The following NWD2 variants were observed in gnomAD, a reference collection of about 807,000 sequenced individuals.
NWD2 encodes NACHT and WD repeat domain-containing protein 2.
NWD2 carries 37 observed loss-of-function variants against 132.7 expected under a neutral mutation model. The observed-to-expected ratio is 0.28, with a 90% CI of 0.21 to 0.37. The LOEUF (loss-of-function observed/expected upper bound fraction) is 0.37. Among genes scored for constraint, NWD2 ranks in the 10% least tolerant of loss-of-function variants. NWD2 has a pLI of 1.00. For missense variants in NWD2, 1,592 were observed against 2,122.4 expected (o/e 0.75, Z 4.91); for synonymous variants, 705 against 803.0 (o/e 0.88, Z 2.06).
chr4:37,389,784 C>CT (rs1290264233), intron 3 of NWD2, among the ~76,000 whole-genome samples: 16 of 110,906 alleles, frequency 1.4e-4, no homozygotes, highest in African/African-American at 4.5e-4. Context: ...AAATCATACG[C>CT]ATTTTTTTTT....
intron 2 of NWD2, among the ~76,000 whole-genome samples, chr4:37,343,036 T>C (rs1190152590): frequency 6.6e-6 from 1 of 152,180 alleles, no homozygotes; most frequent in East Asian, 1.9e-4. Context: ...AATGTAGCCA[T>C]TGAAGATGAG....
At chr4:37,391,552 A>G (rs1053637367) in intron 3 of NWD2, among the ~76,000 whole-genome samples, 3 of 152,232 alleles carry the variant, frequency 2.0e-5, no homozygotes, top group Non-Finnish European at 4.4e-5. Context: ...ACCTTTTGTC[A>G]TGGAAAATGA....
At chr4:37,407,497 G>A (rs1204786665) in intron 3 of NWD2, among the ~76,000 whole-genome samples, 2 of 152,102 alleles carry the variant, frequency 1.3e-5, no homozygotes, top group South Asian at 2.1e-4. Context: ...CTGATCCAGG[G>A]GCCACACTTT....
chr4:37,270,229 C>A (rs1436757941), intron 1 of NWD2, among the ~76,000 whole-genome samples: 1 of 151,590 alleles, frequency 6.6e-6, no homozygotes, highest in African/African-American at 2.4e-5. Context: ...ATGCTCATAT[C>A]AGGAATAGTT....
chr4:37,290,529 C>T (rs1718337965), intron 1 of NWD2, among the ~76,000 whole-genome samples: 1 of 152,100 alleles, frequency 6.6e-6, no homozygotes, highest in Non-Finnish European at 1.5e-5. Flanking sequence ...AAGTTATAGG[C>T]AGTCAGGAAA....
intron 3 of NWD2, among the ~76,000 whole-genome samples, chr4:37,424,680 G>A (rs1005417526): frequency 2.0e-5 from 3 of 152,102 alleles, no homozygotes; most frequent in Non-Finnish European, 2.9e-5. Context: ...TCTCCCATGA[G>A]CAATGGCTCA....
intron 1 of NWD2, among the ~76,000 whole-genome samples, chr4:37,299,677 T>C (rs1255187636): frequency 2.0e-5 from 3 of 152,116 alleles, no homozygotes; most frequent in African/African-American, 7.2e-5. Context: ...AGTGAAGGAC[T>C]TGCTGATTGG....
intron 1 of NWD2, among the ~76,000 whole-genome samples, chr4:37,317,852 T>G (rs1718989000): frequency 6.6e-6 from 1 of 152,204 alleles, no homozygotes; most frequent in African/African-American, 2.4e-5. Context: ...AACTATTACT[T>G]GAAAGTGACA....
rs775854592 is a variant in NWD2, at chr4:37,444,544, C to T, written c.2556C>T (p.Tyr852=). The change falls in exon 7 of 7, where the codon TAC becomes TAT. Residue 852 remains tyrosine (Y), a synonymous_variant. Transcript: ENST00000309447. This position sits in a 1 kb window ranked among gnomAD's most constrained non-coding sequence, Gnocchi z 4.8. Reference sequence around the variant, plus strand: ...GTGGAAAAACCGATGACCTGCTTTACGGCATCATCATGAACTTCAGCTGGC... The same window carrying T: ...GTGGAAAAACCGATGACCTGCTTTATGGCATCATCATGAACTTCAGCTGGC... ...TRCGKTDDLL[Y]GIIMNFSWLY... is the part of the protein sequence containing the mutation. The T allele has an allele frequency of 8.8e-5, 136 of 1,551,654 alleles. No homozygotes were observed. The highest frequency in any genetic ancestry group is 1.1e-4 in the Non-Finnish European group (128 of 1,147,036).
chr4:37,357,825 A>G (rs955258153), intron 3 of NWD2, among the ~76,000 whole-genome samples: 1 of 152,148 alleles, frequency 6.6e-6, no homozygotes, highest in African/African-American at 2.4e-5. Context: ...GCTACTTAAG[A>G]TAAAACAGTC....
chr4:37,336,269 A>C (rs556294998), intron 2 of NWD2, among the ~76,000 whole-genome samples: 1 of 152,320 alleles, frequency 6.6e-6, no homozygotes, highest in African/African-American at 2.4e-5. Flanking sequence ...TTAAGATAAT[A>C]TCTAAAACAT....
At chr4:37,424,927 A>C (rs1711949382) in intron 3 of NWD2, among the ~76,000 whole-genome samples, 1 of 152,210 alleles carries the variant, frequency 6.6e-6, no homozygotes, top group Non-Finnish European at 1.5e-5. Flanking sequence ...AGCTAACTGC[A>C]CATGAAGAGC....
intron 1 of NWD2, among the ~76,000 whole-genome samples, chr4:37,262,673 A>G (rs1717665022): frequency 6.6e-6 from 1 of 152,162 alleles, no homozygotes; most frequent in African/African-American, 2.4e-5. Context: ...CGGAACTAAA[A>G]TGGAAATGGA....
intron 3 of NWD2, among the ~76,000 whole-genome samples, chr4:37,362,812 G>T (rs1374369654): frequency 6.6e-6 from 1 of 152,104 alleles, no homozygotes; most frequent in East Asian, 1.9e-4. Context: ...TTGACAAGTG[G>T]TACCTAATAA....
intron 1 of NWD2, among the ~76,000 whole-genome samples, chr4:37,249,033 G>A (rs562083314): frequency 7.2e-5 from 11 of 152,348 alleles, no homozygotes; most frequent in Admixed American, 5.2e-4. Context: ...TGCTGGAAAT[G>A]TCTATCTGAT....
intron 2 of NWD2, among the ~76,000 whole-genome samples, chr4:37,343,160 C>A (rs146560393): frequency 3.3e-5 from 5 of 152,142 alleles, no homozygotes; most frequent in African/African-American, 1.2e-4. Context: ...TATCTGACAA[C>A]GCTAATCTGA....
chr4:37,404,600 T>C (rs1211420994), intron 3 of NWD2, among the ~76,000 whole-genome samples: 1 of 152,174 alleles, frequency 6.6e-6, no homozygotes, highest in Non-Finnish European at 1.5e-5. Context: ...ATCCAGCCTA[T>C]AACCTCAGGA....
chr4:37,323,587 C>T (rs1031713101), intron 1 of NWD2, among the ~76,000 whole-genome samples: 2 of 152,006 alleles, frequency 1.3e-5, no homozygotes, highest in Non-Finnish European at 2.9e-5. Flanking sequence ...TATACACTGT[C>T]GGTGGAATTG....
rs1000029480 is a variant in NWD2 at position 37,447,358 on chromosome 4, T to C, written c.*141T>C. The C allele has an allele frequency of 2.9e-6, 2 of 678,476 alleles. No homozygotes were observed. The highest frequency in any genetic ancestry group is 1.8e-5 in the African/African-American group (1 of 55,228). 42.0% of individuals were successfully genotyped at this position (678,476 alleles called of 1,614,324 possible). Reference sequence around the variant, plus strand: ...GTGTTTTATTAAGATGTTCATGAAATGGACAAATAGGTTAGTCTTGGGTGT... The same window carrying C: ...GTGTTTTATTAAGATGTTCATGAAACGGACAAATAGGTTAGTCTTGGGTGT... On this transcript the variant is annotated 3_prime_UTR_variant, in exon 7 of 7. Transcript: ENST00000309447.
Sources: gnomAD v4.1 joint callset for allele counts (sites outside exome capture counted in the v4.1 genomes callset) on GRCh38, gnomAD v4.1.1 for gene constraint, Gnocchi (gnomAD v3.1) non-coding constraint, MANE v1.5 for transcripts, NCBI Gene and HGNC (gene_info 2026-07-23, HGNC 2026-07-21) for gene names.